The following RELN variants were observed in gnomAD, a reference collection of about 807,000 sequenced individuals.
The protein encoded by RELN is reelin.
In RELN, 108 loss-of-function variants were observed where a neutral mutation model predicts 427.6. That is an observed-to-expected ratio of 0.25 (90% CI 0.22 to 0.30). The LOEUF is 0.30. Among genes scored for constraint, RELN ranks in the 10% least tolerant of loss-of-function variants. RELN has a pLI of 1.00. For synonymous variants in RELN, 1,524 were observed against 1,513.4 expected, an observed-to-expected ratio of 1.01 and a Z score of -0.16; for missense variants, 3,715 against 4,302.8, an observed-to-expected ratio of 0.86 and a Z score of 3.82.
intron 2 of RELN, among the ~76,000 whole-genome samples, chr7:103,875,866 T>C (rs1794466263): frequency 6.6e-6 from 1 of 152,156 alleles, no homozygotes; most frequent in Non-Finnish European, 1.5e-5. Context: ...GAAATTTCCT[T>C]GCAGTAAGAT....
chr7:103,979,768 A>G (rs1796952738), intron 1 of RELN, among the ~76,000 whole-genome samples: 1 of 152,232 alleles, frequency 6.6e-6, no homozygotes, highest in South Asian at 2.1e-4. Context: ...TTCAATAAAT[A>G]TCTTTAAAAT....
At chr7:103,884,353 A>G (rs183583742) in intron 2 of RELN, among the ~76,000 whole-genome samples, 1 of 152,356 alleles carries the variant, frequency 6.6e-6, no homozygotes, top group Non-Finnish European at 1.5e-5. Context: ...AGGCAATACC[A>G]TTCAGGACAT....
intron 5 of RELN, among the ~76,000 whole-genome samples, chr7:103,749,735 C>G (rs938957277): frequency 2.5e-4 from 38 of 152,174 alleles, no homozygotes; most frequent in African/African-American, 8.7e-4. Flanking sequence ...AAAAGGAAAT[C>G]TATGAAGCTA....
intron 6 of RELN, among the ~76,000 whole-genome samples, chr7:103,747,058 A>G (rs1790856336): frequency 6.6e-6 from 1 of 152,364 alleles, no homozygotes; most frequent in Middle Eastern, 3.4e-3. Flanking sequence ...TGTGTCACAT[A>G]TACACCATGG....
At chr7:103,756,340 G>A (rs932586168) in intron 4 of RELN, among the ~76,000 whole-genome samples, 3 of 152,118 alleles carry the variant, frequency 2.0e-5, no homozygotes, top group East Asian at 1.9e-4. Context: ...CTCCTTGACC[G>A]ATTCTGATAG....
At chr7:103,893,151 T>G (rs1584340154) in intron 2 of RELN, among the ~76,000 whole-genome samples, 2 of 152,128 alleles carry the variant, frequency 1.3e-5, no homozygotes, top group South Asian at 4.1e-4. Flanking sequence ...CACAGGTGAC[T>G]CCACATGAAG....
chr7:103,858,882 G>T (rs987393457), intron 2 of RELN, among the ~76,000 whole-genome samples: 1 of 152,040 alleles, frequency 6.6e-6, no homozygotes, highest in Non-Finnish European at 1.5e-5. Flanking sequence ...TAGCCCTACA[G>T]GAACAACAAC....
At chr7:103,861,279 C>A (rs563644172) in intron 2 of RELN, among the ~76,000 whole-genome samples, 7 of 152,034 alleles carry the variant, frequency 4.6e-5, no homozygotes, top group Admixed American at 3.3e-4. Context: ...GTCTCAAATC[C>A]CTGGTATACT....
intron 1 of RELN, among the ~76,000 whole-genome samples, chr7:103,974,963 A>C (rs144338151): frequency 6.2e-4 from 94 of 152,354 alleles, no homozygotes; most frequent in Middle Eastern, 3.4e-3. Context: ...TATGAGAACT[A>C]TTTTGGATAT....
intron 8 of RELN, among the ~76,000 whole-genome samples, chr7:103,719,237 T>C (rs980906322): frequency 6.6e-6 from 1 of 152,162 alleles, no homozygotes; most frequent in African/African-American, 2.4e-5. Flanking sequence ...CCAGTTCCTC[T>C]GCTCTAGGAG....
intron 6 of RELN, among the ~76,000 whole-genome samples, chr7:103,748,222 T>C (rs929157371): frequency 6.6e-6 from 1 of 151,936 alleles, no homozygotes; most frequent in Non-Finnish European, 1.5e-5. Flanking sequence ...CAGAGTTCTA[T>C]TGATAAACTG....
chr7:103,555,365 T>C (rs1830499617), intron 38 of RELN, among the ~76,000 whole-genome samples: 1 of 152,246 alleles, frequency 6.6e-6, no homozygotes, highest in Admixed American at 6.5e-5. Flanking sequence ...TTGAATGAAA[T>C]CACAGGTCTC....
chr7:103,522,852 C>A (rs896719522), intron 47 of RELN, among the ~76,000 whole-genome samples: 54 of 150,488 alleles, frequency 3.6e-4, no homozygotes. Flanking sequence ...CACACACACA[C>A]CCCCACACCT....
intron 9 of RELN, among the ~76,000 whole-genome samples, chr7:103,698,977 GCT>G (rs1422006829): frequency 6.6e-6 from 1 of 152,060 alleles, no homozygotes; most frequent in African/African-American, 2.4e-5. Flanking sequence ...ATAATTAAAT[GCT>G]CTCACTTATA....
intron 48 of RELN, 80 bp downstream of exon 48, chr7:103,521,942 A>T: frequency 6.9e-7 from 1 of 1,446,050 alleles, no homozygotes; most frequent in Non-Finnish European, 9.7e-7. Context: ...TGATTTGCCC[A>T]TTAAACTTCA....
intron 10 of RELN, among the ~76,000 whole-genome samples, chr7:103,685,465 T>C (rs1833746951): frequency 6.6e-6 from 1 of 152,138 alleles, no homozygotes; most frequent in Non-Finnish European, 1.5e-5. Context: ...CTAAATCACA[T>C]GTGATTTCCT....
At position 103,611,675 on chromosome 7, in the gene RELN, A is replaced by C; in HGVS notation, c.2831T>G (p.Met944Arg). ...MGCGQKYTPH[M>R]DNQVKLEYST... ...GTACTCCAGCTTCACCTGGTTGTCC[A>C]TGTGTGGGGTGTATTTCTGGCCACA... The change falls in exon 21 of 65, where the codon ATG (methionine) becomes AGG (arginine). Residue 944 changes from methionine to arginine, a missense_variant. Physicochemically the swap from Met to Arg is moderately conservative, Grantham distance 91. Coordinates refer to ENST00000428762, the MANE Select transcript of RELN (RefSeq NM_005045.4). 1 of 1,613,884 alleles carries C rather than the reference A, an allele frequency of 6.2e-7. No homozygotes were observed. The highest frequency in any genetic ancestry group is 1.1e-5 in the South Asian group (1 of 91,066).
At chr7:103,921,808 C>G (rs1451576424) in intron 1 of RELN, among the ~76,000 whole-genome samples, 1 of 151,222 alleles carries the variant, frequency 6.6e-6, no homozygotes, top group Non-Finnish European at 1.5e-5. Flanking sequence ...TAAACCAGAA[C>G]ACGTTCTATA....
rs116394157 is a variant in RELN, at chr7:103,540,273, C to A, written c.6854G>T (p.Arg2285Leu). 9.6e-5 allele frequency: 155 copies of A among 1,614,060 alleles called. No homozygotes were observed. Among genetic ancestry groups the A allele is most frequent in the Non-Finnish European group, 1.3e-4 (150 of 1,180,032 alleles). ...CCAGCGAAGGCGAGTAGAACCAGAA[C>A]GGGCTTTCAAGGGTATCTCCAGGGC... ...YIALEIPLKA[R>L]SGSTRLRWWQ... The change falls in exon 44 of 65, where the codon CGT becomes CTT. Residue 2285 changes from arginine (R) to leucine (L), a missense_variant. By Grantham distance (102) the Arg-to-Leu change is moderately radical. Transcript: ENST00000428762.
Sources: gnomAD v4.1 joint callset for allele counts (sites outside exome capture counted in the v4.1 genomes callset) on GRCh38, gnomAD v4.1.1 for gene constraint, MANE v1.5 for transcripts, NCBI Gene and HGNC (gene_info 2026-07-23, HGNC 2026-07-21) for gene names.